The following CDH7 variants were observed in gnomAD, a reference collection of about 807,000 sequenced individuals.
CDH7 encodes cadherin-7.
Under a neutral mutation model 71.8 loss-of-function variants are expected in CDH7, and 25 were observed. That is an observed-to-expected ratio of 0.35 (90% CI 0.25 to 0.49). The LOEUF is 0.49. CDH7 is among the 20% of genes least tolerant of loss of function. The pLI is 0.99. For synonymous variants in CDH7, 381 were observed against 363.8 expected (o/e 1.05, Z -0.54); for missense variants, 862 against 974.6 (o/e 0.88, Z 1.54).
In CDH7 at chr18:65,884,480, T is replaced by G. The variant is rs530491820; in HGVS notation, c.*3586T>G. ...GGAGGTAGTAGTGGTTAAGTAATGG[T>G]AGCTGCCTTTTCACTCTGCCCTCTG... On this transcript the variant is annotated 3_prime_UTR_variant, in exon 12 of 12. Transcript: ENST00000397968. The G allele has an allele frequency of 2.0e-5, 3 of 152,278 alleles. No individual in the cohort carries two copies. Among genetic ancestry groups the G allele is most frequent in the Admixed American group, 6.5e-5 (1 of 15,304 alleles). The allele number at this position is 152,278 out of a possible 1,614,324, so 9.4% of individuals were successfully genotyped here. A position where few individuals can be genotyped will look rare whatever the true frequency, so the allele number is the denominator to read the frequency against.
At chr18:65,823,293 A>C (rs940375903) in intron 5 of CDH7, among the ~76,000 whole-genome samples, 1 of 151,918 alleles carries the variant, frequency 6.6e-6, no homozygotes, top group Admixed American at 6.6e-5. Context: ...CCTATTCTTA[A>C]TTGTGATCTT....
intron 2 of CDH7, among the ~76,000 whole-genome samples, chr18:65,769,710 G>A (rs1206506686): frequency 2.0e-5 from 3 of 152,026 alleles, no homozygotes; most frequent in Admixed American, 6.6e-5. Flanking sequence ...TTAGTCTTTC[G>A]TTGTCATTCT....
At chr18:65,761,147 A>G (rs1916179134) in intron 1 of CDH7, among the ~76,000 whole-genome samples, 1 of 152,164 alleles carries the variant, frequency 6.6e-6, no homozygotes, top group South Asian at 2.1e-4. Flanking sequence ...GCTCTCAGGT[A>G]CAGTAATTAG....
At chr18:65,759,406 G>T (rs558488560) in intron 1 of CDH7, among the ~76,000 whole-genome samples, 4 of 151,076 alleles carry the variant, frequency 2.6e-5, no homozygotes, top group African/African-American at 7.3e-5. Flanking sequence ...CACCATGCCC[G>T]GCTAATTTTT....
rs574266320 is a variant in CDH7 at position 65,858,370 on chromosome 18, A to T, written c.1372+418A>T. Among the ~76,000 whole-genome samples, 141 of 152,152 alleles carry T rather than the reference A, an allele frequency of 9.3e-4. 1 individual carries two copies. Among genetic ancestry groups the T allele is most frequent in the African/African-American group, 3.2e-3 (133 of 41,562 alleles). ...ATAAAATAATAAATAAAATAAAATA[A>T]AAACTATTGAAAAATGAATGCATAT... On this transcript the variant is annotated intron_variant, in intron 8 of 11. Transcript: ENST00000397968.
intron 2 of CDH7, among the ~76,000 whole-genome samples, chr18:65,797,101 G>C (rs539873773): frequency 6.6e-6 from 1 of 152,032 alleles, no homozygotes; most frequent in Non-Finnish European, 1.5e-5. Flanking sequence ...GTTAGTGGTG[G>C]CCTCCTGTTA....
intron 2 of CDH7, among the ~76,000 whole-genome samples, chr18:65,782,079 T>C (rs182822576): frequency 0.019 from 808 of 42,900 alleles, 61 homozygotes; most frequent in Non-Finnish European, 0.022. Flanking sequence ...TCTTTCTTTC[T>C]TTCCTTCCTT....
intron 6 of CDH7, among the ~76,000 whole-genome samples, chr18:65,838,655 A>T (rs1277823360): frequency 1.3e-5 from 2 of 152,234 alleles, no homozygotes; most frequent in Admixed American, 6.5e-5. Flanking sequence ...CTTAACGAGT[A>T]TGTATTTGGC....
At chr18:65,855,700 T>C (rs1202665072) in intron 7 of CDH7, among the ~76,000 whole-genome samples, 1 of 152,168 alleles carries the variant, frequency 6.6e-6, no homozygotes, top group Non-Finnish European at 1.5e-5. Flanking sequence ...TACACAGTAT[T>C]GTTCAGGAAA....
chr18:65,854,029 G>C (rs1009146527), intron 7 of CDH7, among the ~76,000 whole-genome samples: 3 of 148,324 alleles, frequency 2.0e-5, no homozygotes, highest in Admixed American at 6.9e-5. Flanking sequence ...GTCTGGGCGT[G>C]GTGTGTGGTT....
intron 11 of CDH7, among the ~76,000 whole-genome samples, chr18:65,869,942 C>T (rs540290163): frequency 3.9e-5 from 6 of 152,152 alleles, no homozygotes; most frequent in East Asian, 3.9e-4. Flanking sequence ...TTTCCCAAGA[C>T]GCTATATTTT....
At chr18:65,782,079 T>TTTCTTTCCTTCC in intron 2 of CDH7, among the ~76,000 whole-genome samples, 1 of 43,148 alleles carries the variant, frequency 2.3e-5, no homozygotes, top group East Asian at 4.9e-4. Flanking sequence ...TCTTTCTTTC[T>TTTCTTTCCTTCC]TTCCTTCCTT....
chr18:65,798,603 T>C (rs1287452658), intron 2 of CDH7, among the ~76,000 whole-genome samples: 1 of 152,086 alleles, frequency 6.6e-6, no homozygotes. Context: ...GGAAGTAGGA[T>C]TGGGCAGTAA....
intron 2 of CDH7, among the ~76,000 whole-genome samples, chr18:65,782,085 T>G (rs1274710050): frequency 4.1e-5 from 2 of 48,776 alleles, no homozygotes; most frequent in Non-Finnish European, 6.6e-5. Context: ...TTTCTTTCCT[T>G]CCTTCCTTCC....
chr18:65,764,523 T>C (rs547242445), intron 2 of CDH7, among the ~76,000 whole-genome samples: 1 of 152,016 alleles, frequency 6.6e-6, no homozygotes, highest in Non-Finnish European at 1.5e-5. Flanking sequence ...TGTTTTCTTA[T>C]AAAGAAATTG....
At chr18:65,766,324 CATT>C (rs893554363) in intron 2 of CDH7, among the ~76,000 whole-genome samples, 1 of 151,986 alleles carries the variant, frequency 6.6e-6, no homozygotes, top group African/African-American at 2.4e-5. Flanking sequence ...AAAATTTGAT[CATT>C]AAGACATTGA....
At chr18:65,856,242 T>A (rs932379432) in intron 7 of CDH7, among the ~76,000 whole-genome samples, 1 of 152,142 alleles carries the variant, frequency 6.6e-6, no homozygotes, top group African/African-American at 2.4e-5. Flanking sequence ...ACAAACACAC[T>A]TTCAAATTCC....
Position 65,865,005 on chromosome 18 carries a change from A to C in CDH7, c.1864+2088A>C, listed in dbSNP as rs542748738. Among the ~76,000 whole-genome samples the C allele has an allele frequency of 1.4e-4, 21 of 152,196 alleles. No individual in the cohort carries two copies. In the South Asian group the frequency reaches 4.2e-3, roughly 30 times the overall value. ...GTAGATGATGTGTGGAAGACTTTTTAAGTTTGGTCAGTGTATCATAAACAA... is the reference window on the plus strand; with the variant it reads ...GTAGATGATGTGTGGAAGACTTTTTCAGTTTGGTCAGTGTATCATAAACAA... On this transcript the variant is annotated intron_variant, in intron 11 of 11. Transcript: ENST00000397968.
At chr18:65,846,822 G>A (rs1912949893) in intron 7 of CDH7, among the ~76,000 whole-genome samples, 1 of 152,162 alleles carries the variant, frequency 6.6e-6, no homozygotes, top group Non-Finnish European at 1.5e-5. Flanking sequence ...CTTCTCTGAT[G>A]ATTGAATAAG....
Sources: gnomAD v4.1 joint callset for allele counts (sites outside exome capture counted in the v4.1 genomes callset) on GRCh38, gnomAD v4.1.1 for gene constraint, MANE v1.5 for transcripts, NCBI Gene and HGNC (gene_info 2026-07-23, HGNC 2026-07-21) for gene names.